The following LRRIQ3 variants were observed in gnomAD, a reference collection of about 807,000 sequenced individuals.
The protein encoded by LRRIQ3 is leucine rich repeats and IQ motif containing 3.
A neutral mutation model predicts 59.3 loss-of-function variants in LRRIQ3; 75 were observed. That is an observed-to-expected ratio of 1.26 (90% CI 1.05 to 1.53). LRRIQ3 has a LOEUF of 1.53. Ranked by LOEUF, LRRIQ3 falls within the 40% of genes most tolerant of loss-of-function variation. The pLI, the probability that LRRIQ3 is intolerant of heterozygous loss-of-function variation, is 0.00. For missense variants in LRRIQ3, 831 were observed against 710.0 expected (o/e 1.17, Z -1.94); for synonymous variants, 250 against 231.3 (o/e 1.08, Z -0.73).
chr1:74,195,666 T>C (rs144183477), intron 1 of LRRIQ3, among the ~76,000 whole-genome samples: 110 of 152,374 alleles, frequency 7.2e-4, no homozygotes, highest in African/African-American at 2.4e-3. Flanking sequence ...CAATTTATTA[T>C]AGTCTAGTAT....
At chr1:74,077,812 T>C (rs1161966604) in intron 5 of LRRIQ3, among the ~76,000 whole-genome samples, 3 of 151,970 alleles carry the variant, frequency 2.0e-5, no homozygotes, top group Non-Finnish European at 4.4e-5. Flanking sequence ...TTTTCTGTTA[T>C]ATGTAATGCA....
At chr1:74,165,991 A>T (rs1648960752) in intron 3 of LRRIQ3, among the ~76,000 whole-genome samples, 1 of 151,666 alleles carries the variant, frequency 6.6e-6, no homozygotes, top group South Asian at 2.1e-4. Flanking sequence ...TTCTATGCTT[A>T]TGCTCTTAAG....
chr1:74,046,305 A>G (rs1189210022), intron 6 of LRRIQ3, among the ~76,000 whole-genome samples: 1 of 152,140 alleles, frequency 6.6e-6, no homozygotes, highest in African/African-American at 2.4e-5. Context: ...ATCATGCCAC[A>G]TATCTACAAC....
intron 4 of LRRIQ3, among the ~76,000 whole-genome samples, chr1:74,132,051 G>C (rs1303353166): frequency 1.3e-5 from 2 of 151,918 alleles, no homozygotes; most frequent in Non-Finnish European, 2.9e-5. Context: ...AAATCAATGT[G>C]CAAATATCAC....
At chr1:74,062,602 T>G (rs957287894) in intron 6 of LRRIQ3, among the ~76,000 whole-genome samples, 1 of 151,994 alleles carries the variant, frequency 6.6e-6, no homozygotes. Flanking sequence ...CCATCAACAG[T>G]AGACTAGATA....
At chr1:74,117,320 A>G (rs541068063) in intron 4 of LRRIQ3, among the ~76,000 whole-genome samples, 3 of 152,306 alleles carry the variant, frequency 2.0e-5, no homozygotes, top group Non-Finnish European at 4.4e-5. Flanking sequence ...TTCATTAAAT[A>G]AAGACTTGAC....
intron 3 of LRRIQ3, chr1:74,180,010 CTT>C (rs1649881803): frequency 6.6e-6 from 1 of 151,702 alleles, no homozygotes; most frequent in South Asian, 2.1e-4. Context: ...TTTAATAAAT[CTT>C]TCATAAATTC....
At chr1:74,054,687 T>C (rs1654468910) in intron 6 of LRRIQ3, among the ~76,000 whole-genome samples, 1 of 149,824 alleles carries the variant, frequency 6.7e-6, no homozygotes, top group African/African-American at 2.4e-5. Flanking sequence ...AATTTTGCTA[T>C]GAACAAAAAC....
At chr1:74,151,185 T>G (rs1382552610) in intron 4 of LRRIQ3, among the ~76,000 whole-genome samples, 1 of 151,896 alleles carries the variant, frequency 6.6e-6, no homozygotes, top group African/African-American at 2.4e-5. Context: ...GCTCAGCTAA[T>G]TTTTGTATTT....
At chr1:74,078,734 T>C (rs750952765) in intron 5 of LRRIQ3, 12 of 151,794 alleles carry the variant, frequency 7.9e-5, no homozygotes. Flanking sequence ...ACATGAATAG[T>C]AAGCAGCTTA....
intron 6 of LRRIQ3, among the ~76,000 whole-genome samples, chr1:74,071,918 G>A (rs2100471734): frequency 6.6e-6 from 1 of 151,870 alleles, no homozygotes; most frequent in Non-Finnish European, 1.5e-5. Flanking sequence ...TGAAAGTCTA[G>A]GTGAGAAAAT....
At chr1:74,154,004 G>A (rs558669854) in intron 4 of LRRIQ3, among the ~76,000 whole-genome samples, 1 of 152,010 alleles carries the variant, frequency 6.6e-6, no homozygotes, top group East Asian at 1.9e-4. Flanking sequence ...CACTTTGGGG[G>A]GCCGAGGTGT....
intron 3 of LRRIQ3, among the ~76,000 whole-genome samples, chr1:74,165,298 G>A (rs1471431059): frequency 6.6e-6 from 1 of 151,336 alleles, no homozygotes; most frequent in African/African-American, 2.4e-5. Flanking sequence ...AGTTTTCAGC[G>A]CAGCAGTACT....
chr1:74,084,793 A>C (rs1357476059), intron 5 of LRRIQ3, among the ~76,000 whole-genome samples: 1 of 151,796 alleles, frequency 6.6e-6, no homozygotes, highest in Non-Finnish European at 1.5e-5. Flanking sequence ...AATTTTCTTT[A>C]ATAACCCTTA....
intron 1 of LRRIQ3, among the ~76,000 whole-genome samples, chr1:74,190,475 GA>G (rs931101885): frequency 3.4e-5 from 5 of 146,070 alleles, no homozygotes; most frequent in African/African-American, 1.0e-4. Flanking sequence ...AAACCAAAGA[GA>G]AAAAAAAAGA....
At chr1:74,105,238 GGTGT>G (rs34023288) in intron 5 of LRRIQ3, among the ~76,000 whole-genome samples, 5 of 148,532 alleles carry the variant, frequency 3.4e-5, no homozygotes, top group Admixed American at 6.7e-5. Context: ...ACATCTATGT[GGTGT>G]GTGTGTGTGT....
Position 74,113,523 on chromosome 1 carries a change from C to T in LRRIQ3, c.708-3970G>A, listed in dbSNP as rs190312287. The stretch of plus-strand genomic sequence containing the variant: ...TCTCGAAAATGTCTTCTTGAGCTCA[C>T]GAAAAATGATGAGTCATGTCCAAAG... On this transcript the variant is annotated intron_variant, in intron 4 of 7. Transcript: ENST00000354431. 4.6e-5 allele frequency among the ~76,000 whole-genome samples: 7 copies of T among 151,862 alleles called. No homozygotes were observed. The South Asian group carries it at 6.2e-4, about 13-fold the overall frequency.
At chr1:74,082,430 T>C (rs1320787372) in intron 5 of LRRIQ3, 1 of 151,706 alleles carries the variant, frequency 6.6e-6, no homozygotes, top group South Asian at 2.1e-4. Flanking sequence ...GAAAAGTTCA[T>C]AGGGTCATGT....
intron 4 of LRRIQ3, among the ~76,000 whole-genome samples, chr1:74,129,009 T>G (rs1258154014): frequency 1.3e-5 from 2 of 152,016 alleles, no homozygotes; most frequent in Non-Finnish European, 2.9e-5. Flanking sequence ...AAGGGTGGCA[T>G]AAGCATCCCT....
Sources: gnomAD v4.1 joint callset for allele counts (sites outside exome capture counted in the v4.1 genomes callset) on GRCh38, gnomAD v4.1.1 for gene constraint, MANE v1.5 for transcripts, NCBI Gene and HGNC (gene_info 2026-07-23, HGNC 2026-07-21) for gene names.